The following CDH7 variants were observed in gnomAD, a reference collection of about 807,000 sequenced individuals.
CDH7 encodes the protein cadherin-7.
Under a neutral mutation model 71.8 loss-of-function variants are expected in CDH7, and 25 were observed. The observed-to-expected ratio is 0.35, with a 90% CI of 0.25 to 0.49. CDH7 has a LOEUF of 0.49. CDH7 is among the 20% of genes least tolerant of loss of function. CDH7 has a pLI of 0.99. For missense variants in CDH7, 862 were observed against 974.6 expected (o/e 0.88, Z 1.54); for synonymous variants, 381 against 363.8 (o/e 1.05, Z -0.54).
At chr18:65,757,627 A>G (rs1350071670) in intron 1 of CDH7, among the ~76,000 whole-genome samples, 3 of 152,212 alleles carry the variant, frequency 2.0e-5, no homozygotes, top group East Asian at 3.9e-4. Context: ...TCATTTATCC[A>G]GTAACCATCA....
intron 11 of CDH7, among the ~76,000 whole-genome samples, chr18:65,874,764 T>C (rs1367256013): frequency 6.6e-6 from 1 of 151,858 alleles, no homozygotes; most frequent in African/African-American, 2.4e-5. Context: ...TACATGTATA[T>C]ATAGATATGT....
rs151096643 is a variant in CDH7, at chr18:65,806,220, CTTA to C, written c.211-3481_211-3479del. Among the ~76,000 whole-genome samples the C allele has an allele frequency of 5.9e-3, 900 of 151,890 alleles. 9 individuals carry two copies. Among genetic ancestry groups the C allele is most frequent in the African/African-American group, 0.021 (855 of 41,372 alleles). On this transcript the variant is annotated intron_variant, in intron 2 of 11. Coordinates refer to ENST00000397968, the MANE Select transcript of CDH7 (RefSeq NM_004361.5). ...TTACATAATTGCACCTCCTCCTCAGCTTATTTTTTGCCTTATCATGAGCTAGAT... is the reference window on the plus strand; with the variant it reads ...TTACATAATTGCACCTCCTCCTCAGCTTTTTTGCCTTATCATGAGCTAGAT...
intron 1 of CDH7, among the ~76,000 whole-genome samples, chr18:65,761,193 T>C (rs1177280857): frequency 6.6e-6 from 1 of 152,172 alleles, no homozygotes; most frequent in Admixed American, 6.5e-5. Flanking sequence ...CCCTCTGGAA[T>C]ATCAAAACTT....
At chr18:65,820,127 A>C in intron 4 of CDH7, among the ~76,000 whole-genome samples, 1 of 143,416 alleles carries the variant, frequency 7.0e-6, no homozygotes, top group Non-Finnish European at 1.5e-5. Context: ...ATAAGTTTAT[A>C]TTTTACATGC....
intron 11 of CDH7, chr18:65,865,493 G>A (rs889640762): frequency 2.6e-5 from 4 of 151,788 alleles, no homozygotes; most frequent in Non-Finnish European, 4.4e-5. Context: ...AAGAGTTACC[G>A]CAAGTCTTCA....
chr18:65,806,321 A>G (rs1484720), intron 2 of CDH7, among the ~76,000 whole-genome samples: 143,685 of 151,742 alleles, frequency 0.95, 68,527 homozygotes, highest in East Asian at 1. Flanking sequence ...TAGTTACTTC[A>G]AAGTCAAAAC....
At chr18:65,880,322 G>A (rs1599071420) in intron 11 of CDH7, 79 bp from the exon 12 acceptor site, 12 of 1,413,554 alleles carry the variant, frequency 8.5e-6, no homozygotes, top group South Asian at 3.0e-5. Context: ...GTAACTCAGC[G>A]TCCTAGGCCT....
At chr18:65,775,184 T>G (rs1909890863) in intron 2 of CDH7, among the ~76,000 whole-genome samples, 1 of 152,202 alleles carries the variant, frequency 6.6e-6, no homozygotes, top group Admixed American at 6.6e-5. Flanking sequence ...GCATAGATAA[T>G]AATGAATTAT....
intron 2 of CDH7, among the ~76,000 whole-genome samples, chr18:65,782,166 CTTTCTTTCTT>C (rs1910328924): frequency 8.9e-6 from 1 of 112,512 alleles, no homozygotes; most frequent in African/African-American, 4.3e-5. Context: ...TTCTTTCTTC[CTTTCTTTCTT>C]TCTTTCTTTC....
At chr18:65,829,591 C>A (rs761304150) in intron 6 of CDH7, among the ~76,000 whole-genome samples, 1 of 151,846 alleles carries the variant, frequency 6.6e-6, no homozygotes. Context: ...TGGAGAGCAA[C>A]GTAAAGTTTT....
rs771286232 is a variant in CDH7 at position 65,880,618 on chromosome 18, T to C, written c.2082T>C (p.Ser694=). The C allele has an allele frequency of 1.2e-6, 2 of 1,613,402 alleles. No homozygotes were observed. The highest frequency in any genetic ancestry group is 2.2e-5 in the South Asian group (2 of 91,002). ...RDVTPEIQFL[S]RPAFKSIPDN... ...TGACTCCAGAAATTCAATTCCTGAG[T>C]CGACCAGCTTTTAAAAGCATCCCAG... The change falls in exon 12 of 12, where the codon AGT becomes AGC. Residue 694 remains serine, a synonymous_variant. Coordinates refer to ENST00000397968, the MANE Select transcript of CDH7 (RefSeq NM_004361.5).
chr18:65,853,078 G>C lies in CDH7; in HGVS notation c.1236-4738G>C, dbSNP rs553686786. ...AAGTGGATGGGGCAGAAGCTTAACTGCTGTTGCTGCAAAAATATGGAAGTG... is the reference window on the plus strand; with the variant it reads ...AAGTGGATGGGGCAGAAGCTTAACTCCTGTTGCTGCAAAAATATGGAAGTG... On this transcript the variant is annotated intron_variant, in intron 7 of 11. Transcript: ENST00000397968. Among the ~76,000 whole-genome samples the C allele has an allele frequency of 3.3e-5, 5 of 152,290 alleles. No homozygotes were observed. The South Asian group carries it at 8.3e-4, about 25-fold the overall frequency.
At chr18:65,768,730 T>G (rs1916454230) in intron 2 of CDH7, among the ~76,000 whole-genome samples, 1 of 152,146 alleles carries the variant, frequency 6.6e-6, no homozygotes, top group Non-Finnish European at 1.5e-5. Flanking sequence ...TCACTGAGAC[T>G]TTGCTGGATT....
chr18:65,820,583 C>G (rs1405610906), intron 4 of CDH7, among the ~76,000 whole-genome samples: 3 of 152,026 alleles, frequency 2.0e-5, no homozygotes, highest in Non-Finnish European at 4.4e-5. Context: ...TCAACTTTTC[C>G]CAATTATATT....
At chr18:65,790,220 CAA>C (rs10552878) in intron 2 of CDH7, among the ~76,000 whole-genome samples, 3,975 of 66,556 alleles carry the variant, frequency 0.06, 150 homozygotes, top group African/African-American at 0.19. Context: ...GACTCTCTCT[CAA>C]AAAAAAAAAA....
intron 11 of CDH7, 89 bp downstream of exon 11, chr18:65,863,006 C>T: frequency 7.3e-7 from 1 of 1,361,652 alleles, no homozygotes; most frequent in East Asian, 2.3e-5. Flanking sequence ...ATTTGGTGAA[C>T]ATATGCAGAT....
intron 7 of CDH7, among the ~76,000 whole-genome samples, chr18:65,849,351 TTTCTTTTCTTTTCTTTTCTTTTCTTTTC>T (rs1386277521): frequency 2.9e-4 from 3 of 10,346 alleles, no homozygotes; most frequent in African/African-American, 1.4e-3. Context: ...TTTCTTTTCT[TTTCTTTTCTTTTCTTTTCTTTTCTTTTC>T]TTTTCTTTTC....
rs1912841156 is a variant in CDH7 at position 65,844,042 on chromosome 18, A to G, written c.1212A>G (p.Pro404=). The part of the protein sequence containing the change: ...NIIGTVAAHD[P]DSSNSPVRYS... ...TTGGCACTGTAGCAGCTCATGACCCAGATTCTTCCAATAGCCCTGTGAGGT... is the reference window on the plus strand; with the variant it reads ...TTGGCACTGTAGCAGCTCATGACCCGGATTCTTCCAATAGCCCTGTGAGGT... Residue 404 remains proline, a synonymous_variant, in exon 7 of 12, where the codon CCA becomes CCG. Coordinates refer to ENST00000397968, the MANE Select transcript of CDH7 (RefSeq NM_004361.5). The G allele has an allele frequency of 6.2e-7, 1 of 1,613,068 alleles. No individual in the cohort carries two copies. The highest frequency in any genetic ancestry group is 8.5e-7 in the Non-Finnish European group (1 of 1,179,398).
intron 2 of CDH7, among the ~76,000 whole-genome samples, chr18:65,790,009 C>G (rs975224451): frequency 5.3e-5 from 8 of 151,546 alleles, no homozygotes; most frequent in African/African-American, 1.9e-4. Flanking sequence ...GCAGACGGAT[C>G]ACGAGGTCAG....
Sources: allele counts gnomAD v4.1 joint callset (sites outside exome capture counted in the v4.1 genomes callset), GRCh38; gene constraint gnomAD v4.1.1; transcripts MANE v1.5; gene names NCBI Gene and HGNC (gene_info 2026-07-23, HGNC 2026-07-21).